PLCXD3: variants seen among roughly 807,000 people sequenced by gnomAD.
The protein encoded by PLCXD3 is phosphatidylinositol specific phospholipase C X domain containing 3.
PLCXD3 carries 19 observed loss-of-function variants against 25.5 expected under a neutral mutation model. That is an observed-to-expected ratio of 0.75 (90% CI 0.52 to 1.09). The LOEUF (loss-of-function observed/expected upper bound fraction) is 1.09, where lower values mean the gene tolerates loss of function less well. Among genes scored for constraint, PLCXD3 ranks in the 50% least tolerant of loss-of-function variants. PLCXD3 has a pLI of 0.00. For missense variants in PLCXD3, 411 were observed against 388.1 expected, an observed-to-expected ratio of 1.06 and a Z score of -0.50; for synonymous variants, 174 against 137.6, an observed-to-expected ratio of 1.26 and a Z score of -1.85.
intron 1 of PLCXD3, among the ~76,000 whole-genome samples, chr5:41,448,940 C>T (rs1005407609): frequency 2.0e-5 from 3 of 152,188 alleles, no homozygotes; most frequent in Non-Finnish European, 4.4e-5. Context: ...CCATTTCAGT[C>T]AGACCCAAAT....
In PLCXD3 at chr5:41,308,536, C is replaced by G. The variant is rs192005905; in HGVS notation, c.*5081G>C. ...ACCACATGTGTAGATCCTTGTCAGT[C>G]ATGAGTTTTCTATTGCTAGACTAAT... is the stretch of plus-strand genomic sequence containing the variant. On this transcript the variant is annotated 3_prime_UTR_variant, in exon 3 of 3. Transcript: ENST00000377801. 58 of 135,310 alleles carry G rather than the reference C, an allele frequency of 4.3e-4. 1 individual carries two copies. The highest frequency in any genetic ancestry group is 2.8e-3 in the Admixed American group (38 of 13,720). 8.4% of individuals were successfully genotyped at this position (135,310 alleles called of 1,614,324 possible).
At chr5:41,490,043 C>T (rs1158372926) in intron 1 of PLCXD3, among the ~76,000 whole-genome samples, 3 of 151,470 alleles carry the variant, frequency 2.0e-5, no homozygotes, top group Non-Finnish European at 2.9e-5. Flanking sequence ...CCAGTTTTTG[C>T]CCATTCAGTA....
At chr5:41,378,970 T>C (rs1745374965) in intron 2 of PLCXD3, among the ~76,000 whole-genome samples, 1 of 152,128 alleles carries the variant, frequency 6.6e-6, no homozygotes, top group Admixed American at 6.6e-5. Flanking sequence ...GGATGATCTC[T>C]ACACAGGTAA....
At chr5:41,344,165 C>T (rs529111541) in intron 2 of PLCXD3, among the ~76,000 whole-genome samples, 2 of 152,196 alleles carry the variant, frequency 1.3e-5, no homozygotes, top group African/African-American at 4.8e-5. Context: ...AAAGAGCAGG[C>T]ATTAAGCTAG....
At position 41,308,906 on chromosome 5, in the gene PLCXD3, G is replaced by A. The variant is rs1216419234; in HGVS notation, c.*4711C>T. 6.6e-6 allele frequency: 1 copy of A among 152,498 alleles called. No homozygotes were observed. Among genetic ancestry groups the A allele is most frequent in the Non-Finnish European group, 1.5e-5 (1 of 67,998 alleles). The allele number at this position is 152,498 out of a possible 1,614,324, so 9.4% of individuals were successfully genotyped here. ...CGAAAAGCAATGGGGTACCTCACAA[G>A]GTGGACAGTTTGCTTGTGGGAACTC... is the stretch of plus-strand genomic sequence containing the variant. On this transcript the variant is annotated 3_prime_UTR_variant, in exon 3 of 3. Coordinates refer to ENST00000377801, the MANE Select transcript of PLCXD3 (RefSeq NM_001005473.3).
rs563021810 is a variant in PLCXD3, at chr5:41,450,826, C to T, written c.103+59598G>A. Among the ~76,000 whole-genome samples the T allele has an allele frequency of 2.2e-4, 34 of 151,770 alleles. No homozygotes were observed. In the South Asian group the frequency reaches 2.5e-3, roughly 11 times the overall value. ...TCCTCTACATTCAAGGGATTCTATACGCAGAGATGGACAAAAGAGAAGTAG... is the reference window on the plus strand; with the variant it reads ...TCCTCTACATTCAAGGGATTCTATATGCAGAGATGGACAAAAGAGAAGTAG... On this transcript the variant is annotated intron_variant, in intron 1 of 2. Transcript: ENST00000377801.
intron 1 of PLCXD3, among the ~76,000 whole-genome samples, chr5:41,502,317 G>T (rs749800520): frequency 6.6e-6 from 1 of 151,972 alleles, no homozygotes; most frequent in Non-Finnish European, 1.5e-5. Context: ...TAAAATCAGA[G>T]GTGAAGTAAT....
At chr5:41,394,790 A>T (rs1050092340) in intron 1 of PLCXD3, among the ~76,000 whole-genome samples, 1 of 152,218 alleles carries the variant, frequency 6.6e-6, no homozygotes, top group Non-Finnish European at 1.5e-5. Context: ...TTTTAACTAT[A>T]TATGCACCCA....
intron 1 of PLCXD3, among the ~76,000 whole-genome samples, chr5:41,469,733 GTATTTA>G (rs372533453): frequency 0.01 from 1,556 of 152,292 alleles, 25 homozygotes; most frequent in African/African-American, 0.035. Context: ...AAACTAAAGT[GTATTTA>G]TATGTGTGTT....
chr5:41,469,911 G>T (rs980565503), intron 1 of PLCXD3, among the ~76,000 whole-genome samples: 1 of 152,122 alleles, frequency 6.6e-6, no homozygotes, highest in Non-Finnish European at 1.5e-5. Flanking sequence ...CCACACATTT[G>T]TCATGTATGG....
chr5:41,417,874 G>A (rs540085796), intron 1 of PLCXD3, among the ~76,000 whole-genome samples: 2 of 152,346 alleles, frequency 1.3e-5, no homozygotes, highest in East Asian at 3.9e-4. Flanking sequence ...CAAGCTGACT[G>A]AGCAGGTTGT....
intron 1 of PLCXD3, among the ~76,000 whole-genome samples, chr5:41,497,389 T>C (rs907812828): frequency 5.9e-5 from 9 of 151,814 alleles, no homozygotes; most frequent in Non-Finnish European, 1.2e-4. Flanking sequence ...CATATTTATA[T>C]CAGACAAAAT....
chr5:41,464,863 G>A (rs1288032726), intron 1 of PLCXD3, among the ~76,000 whole-genome samples: 1 of 151,768 alleles, frequency 6.6e-6, no homozygotes, highest in Non-Finnish European at 1.5e-5. Flanking sequence ...TTTGTGTTGT[G>A]TTCTTCCATT....
intron 1 of PLCXD3, chr5:41,456,437 TA>T: frequency 2.0e-6 from 1 of 511,210 alleles, no homozygotes; most frequent in Non-Finnish European, 2.5e-6. Context: ...AACTTTTTTC[TA>T]AAAGAGATAA....
At chr5:41,410,164 G>T (rs534836365) in intron 1 of PLCXD3, among the ~76,000 whole-genome samples, 5 of 118,822 alleles carry the variant, frequency 4.2e-5, no homozygotes, top group Non-Finnish European at 7.7e-5. Context: ...TTTTGAGACG[G>T]AGTCTCACTC....
At chr5:41,313,908 A>G in intron 2 of PLCXD3, 138 bp from the exon 3 acceptor site, 1 of 972,948 alleles carries the variant, frequency 1.0e-6, no homozygotes, top group Non-Finnish European at 1.5e-6. Context: ...GGAAAAGGCC[A>G]AATGGACTCT....
chr5:41,406,087 C>T (rs753183746), intron 1 of PLCXD3, among the ~76,000 whole-genome samples: 4 of 151,988 alleles, frequency 2.6e-5, no homozygotes, highest in East Asian at 1.9e-4. Context: ...GCTTCCTTCT[C>T]GAAATATTTT....
chr5:41,330,903 T>C (rs960384355), intron 2 of PLCXD3, among the ~76,000 whole-genome samples: 3 of 152,216 alleles, frequency 2.0e-5, no homozygotes, highest in African/African-American at 7.2e-5. Flanking sequence ...CAACCCTTCA[T>C]GCTAAAAACT....
At chr5:41,446,946 C>T (rs747401286) in intron 1 of PLCXD3, among the ~76,000 whole-genome samples, 1 of 152,192 alleles carries the variant, frequency 6.6e-6, no homozygotes, top group Non-Finnish European at 1.5e-5. Flanking sequence ...CTAGCTGGGG[C>T]TACCTATTGG....
Sources: allele counts gnomAD v4.1 joint callset (sites outside exome capture counted in the v4.1 genomes callset), GRCh38; gene constraint gnomAD v4.1.1; transcripts MANE v1.5; gene names NCBI Gene and HGNC (gene_info 2026-07-23, HGNC 2026-07-21).